The following GRM1 variants were observed in gnomAD, a reference collection of about 807,000 sequenced individuals.
GRM1 encodes metabotropic glutamate receptor 1.
GRM1 carries 33 observed loss-of-function variants against 90.9 expected under a neutral mutation model. The observed-to-expected ratio is 0.36, with a 90% CI of 0.28 to 0.49. GRM1 has a LOEUF of 0.49. GRM1 is among the 20% of genes least tolerant of loss of function. The pLI, the probability that GRM1 is intolerant of heterozygous loss-of-function variation, is 0.99. For missense variants in GRM1, 1,190 were observed against 1,534.3 expected, an observed-to-expected ratio of 0.78 and a Z score of 3.75; for synonymous variants, 700 against 613.2, an observed-to-expected ratio of 1.14 and a Z score of -2.09.
chr6:146,392,032 A>G (rs1244192208), intron 6 of GRM1, among the ~76,000 whole-genome samples: 1 of 152,180 alleles, frequency 6.6e-6, no homozygotes, highest in East Asian at 1.9e-4. Flanking sequence ...CTTTATGATT[A>G]TCCTTGGAGA....
At chr6:146,132,080 C>A (rs147769429) in intron 1 of GRM1, among the ~76,000 whole-genome samples, 35 of 152,040 alleles carry the variant, frequency 2.3e-4, no homozygotes, top group African/African-American at 8.0e-4. Context: ...ACTCACAGAG[C>A]GGAAAGAAGT....
chr6:146,270,901 C>CT (rs1230066512), intron 2 of GRM1, among the ~76,000 whole-genome samples: 1 of 115,382 alleles, frequency 8.7e-6, no homozygotes, highest in African/African-American at 4.1e-5. Context: ...TTCTTTCTTT[C>CT]TTTCTTTCTT....
intron 2 of GRM1, among the ~76,000 whole-genome samples, chr6:146,280,460 C>T (rs188268192): frequency 5.3e-5 from 8 of 152,204 alleles, no homozygotes; most frequent in Non-Finnish European, 5.9e-5. Context: ...GCTAATATAA[C>T]CTAGTTGTAA....
Position 146,433,955 on chromosome 6 carries a change from T to C in GRM1, c.2744T>C (p.Val915Ala). The change falls in exon 8 of 8, where the codon GTG (valine) becomes GCG (alanine). Residue 915 changes from valine (V) to alanine (A), a missense_variant. This residue lies in a region of GRM1 where 400 missense variants were observed against 360.8 expected (regional missense o/e 1.11). Coordinates refer to ENST00000282753, the MANE Select transcript of GRM1 (RefSeq NM_001278064.2). ...KGQHMWHRLS[V>A]HVKTNETACN... ...CAGCATATGTGGCACCGCCTCTCTG[T>C]GCACGTGAAGACCAATGAGACGGCC... is the stretch of plus-strand genomic sequence containing the variant. 1.2e-6 allele frequency: 2 copies of C among 1,614,058 alleles called. No homozygotes were observed. Among genetic ancestry groups the C allele is most frequent in the Non-Finnish European group, 1.7e-6 (2 of 1,179,896 alleles).
At chr6:146,259,261 G>C (rs898721928) in intron 2 of GRM1, among the ~76,000 whole-genome samples, 3 of 152,032 alleles carry the variant, frequency 2.0e-5, no homozygotes, top group African/African-American at 7.2e-5. Flanking sequence ...GTACTACTGT[G>C]TTTTTCCTCT....
intron 1 of GRM1, among the ~76,000 whole-genome samples, chr6:146,083,832 G>T (rs534526753): frequency 6.6e-6 from 1 of 152,268 alleles, no homozygotes; most frequent in African/African-American, 2.4e-5. Context: ...TTGTACCTCT[G>T]GTGGAATTCA....
chr6:146,354,041 C>T (rs746326213), intron 4 of GRM1, among the ~76,000 whole-genome samples: 10 of 152,114 alleles, frequency 6.6e-5, no homozygotes, highest in Non-Finnish European at 1.3e-4. Flanking sequence ...TTAGGGAGTA[C>T]CTTGTGAGAG....
intron 1 of GRM1, among the ~76,000 whole-genome samples, chr6:146,085,226 G>A (rs1019878390): frequency 2.6e-5 from 4 of 151,944 alleles, no homozygotes; most frequent in Admixed American, 2.0e-4. Flanking sequence ...AAATACAATA[G>A]TGCATGTTTA....
At chr6:146,337,972 G>C (rs1784835037) in intron 3 of GRM1, among the ~76,000 whole-genome samples, 1 of 152,154 alleles carries the variant, frequency 6.6e-6, no homozygotes, top group African/African-American at 2.4e-5. Context: ...ATATGCAGCT[G>C]ATGGTAAAAT....
chr6:146,098,599 T>C (rs143418324), intron 1 of GRM1, among the ~76,000 whole-genome samples: 196 of 152,280 alleles, frequency 1.3e-3, no homozygotes, highest in African/African-American at 4.4e-3. Context: ...TTTCCTACTA[T>C]TACCTAAAGT....
At chr6:146,388,739 C>T (rs576181312) in intron 6 of GRM1, among the ~76,000 whole-genome samples, 14 of 152,214 alleles carry the variant, frequency 9.2e-5, no homozygotes, top group African/African-American at 3.1e-4. Context: ...GAGTGGAACT[C>T]AGCAGATCCT....
intron 2 of GRM1, among the ~76,000 whole-genome samples, chr6:146,184,090 C>T (rs981292438): frequency 2.6e-5 from 4 of 152,010 alleles, no homozygotes; most frequent in Non-Finnish European, 5.9e-5. Flanking sequence ...TGGGTCACCT[C>T]GGACATATAA....
At chr6:146,205,103 A>G (rs1779448987) in intron 2 of GRM1, among the ~76,000 whole-genome samples, 1 of 152,192 alleles carries the variant, frequency 6.6e-6, no homozygotes, top group African/African-American at 2.4e-5. Context: ...TGAACTTTTA[A>G]GTAATGTGAA....
At chr6:146,068,476 A>T (rs1775922330) in intron 1 of GRM1, among the ~76,000 whole-genome samples, 1 of 152,158 alleles carries the variant, frequency 6.6e-6, no homozygotes, top group African/African-American at 2.4e-5. Flanking sequence ...CACAATTTTA[A>T]CTTTATTCCC....
intron 5 of GRM1, among the ~76,000 whole-genome samples, chr6:146,378,469 G>A (rs1776194945): frequency 6.6e-6 from 1 of 152,324 alleles, no homozygotes; most frequent in Middle Eastern, 3.4e-3. Context: ...CAGACATGGA[G>A]TCAAAAGAGA....
chr6:146,159,637 T>TCACACA (rs769985293), intron 2 of GRM1, 40 bp downstream of exon 2: 10 of 1,261,198 alleles, frequency 7.9e-6, no homozygotes, highest in Admixed American at 7.7e-5. Context: ...TCTCTCTCTC[T>TCACACA]CTCTCACACA....
At chr6:146,417,755 T>A (rs1349676321) in intron 7 of GRM1, among the ~76,000 whole-genome samples, 2 of 152,174 alleles carry the variant, frequency 1.3e-5, no homozygotes, top group East Asian at 3.8e-4. Flanking sequence ...CTAAGCCTCT[T>A]ACTAAATAAT....
chr6:146,143,180 A>G (rs1776953534), intron 1 of GRM1, among the ~76,000 whole-genome samples: 2 of 152,070 alleles, frequency 1.3e-5, no homozygotes, highest in Non-Finnish European at 2.9e-5. Flanking sequence ...AATTCACTAC[A>G]TTTACTTCAA....
chr6:146,042,366 G>A (rs1258741987), intron 1 of GRM1, among the ~76,000 whole-genome samples: 2 of 151,976 alleles, frequency 1.3e-5, no homozygotes, highest in African/African-American at 2.4e-5. Context: ...ACAGAGAGAT[G>A]TACTTCTAAG....
Sources: gnomAD v4.1 joint callset for allele counts (sites outside exome capture counted in the v4.1 genomes callset) on GRCh38, gnomAD v4.1.1 for gene constraint, gnomAD v4.1.1 regional missense constraint, MANE v1.5 for transcripts, NCBI Gene and HGNC (gene_info 2026-07-23, HGNC 2026-07-21) for gene names.